NEDD4L: variants seen among roughly 807,000 people sequenced by gnomAD.
The protein encoded by NEDD4L is NEDD4 like E3 ubiquitin protein ligase.
In NEDD4L, 54 loss-of-function variants were observed where a neutral mutation model predicts 148.9. The observed-to-expected ratio is 0.36, with a 90% CI of 0.29 to 0.45. NEDD4L has a LOEUF of 0.45. Ranked by LOEUF, NEDD4L falls within the 20% of genes least tolerant of loss-of-function variation. The pLI, the probability that NEDD4L is intolerant of heterozygous loss-of-function variation, is 1.00. For synonymous variants in NEDD4L, 433 were observed against 440.7 expected (o/e 0.98, Z 0.22); for missense variants, 856 against 1,233.8 (o/e 0.69, Z 4.59).
chr18:58,365,848 C>G (rs1287355964), intron 20 of NEDD4L, 151 bp from the exon 21 acceptor site: 2 of 595,896 alleles, frequency 3.4e-6, no homozygotes, highest in Non-Finnish European at 5.9e-6. Flanking sequence ...CAAGGGAAAA[C>G]CCCTAAAGGA....
At chr18:58,352,938 C>T (rs2044102177) in intron 18 of NEDD4L, among the ~76,000 whole-genome samples, 1 of 152,172 alleles carries the variant, frequency 6.6e-6, no homozygotes, top group African/African-American at 2.4e-5. Flanking sequence ...TCGTAGCATG[C>T]GTTAAAATAG....
chr18:58,297,109 TAAAC>T (rs1375500322), intron 5 of NEDD4L, among the ~76,000 whole-genome samples: 2 of 151,954 alleles, frequency 1.3e-5, no homozygotes, highest in Non-Finnish European at 2.9e-5. Flanking sequence ...TAAATAAAAA[TAAAC>T]AAGGACACTT....
intron 4 of NEDD4L, among the ~76,000 whole-genome samples, chr18:58,251,383 C>T (rs1408913676): frequency 6.6e-6 from 1 of 152,020 alleles, no homozygotes; most frequent in African/African-American, 2.4e-5. Context: ...AAAAATTAGC[C>T]AGGCATGGTA....
chr18:58,144,376 C>A (rs1315390804), intron 1 of NEDD4L, among the ~76,000 whole-genome samples: 1 of 151,970 alleles, frequency 6.6e-6, no homozygotes, highest in Non-Finnish European at 1.5e-5. Flanking sequence ...TTGGGTCACA[C>A]ACTTTTAAAC....
In NEDD4L at chr18:58,245,562, T is replaced by C. The variant is rs2148412882; in HGVS notation, c.204+54T>C. 3.2e-6 allele frequency: 3 copies of C among 943,278 alleles called. No individual in the cohort carries two copies. The East Asian group carries it at 7.8e-5, about 25-fold the overall frequency. 58.4% of individuals were successfully genotyped at this position (943,278 alleles called of 1,614,324 possible). Reference sequence around the variant, plus strand: ...TTTAAGTCATAATTTAATCCAATTATGCACAGTCATGTGCTGCTTAACACC... The same window carrying C: ...TTTAAGTCATAATTTAATCCAATTACGCACAGTCATGTGCTGCTTAACACC... On this transcript the variant is annotated intron_variant, in intron 3 of 30. Transcript: ENST00000400345.
At chr18:58,241,853 A>G (rs1053607900) in intron 2 of NEDD4L, among the ~76,000 whole-genome samples, 1 of 152,094 alleles carries the variant, frequency 6.6e-6, no homozygotes, top group Non-Finnish European at 1.5e-5. Flanking sequence ...TGTGATGTCT[A>G]AGCAGCTTCA....
intron 5 of NEDD4L, among the ~76,000 whole-genome samples, chr18:58,265,755 G>T (rs1204312847): frequency 6.6e-6 from 1 of 152,018 alleles, no homozygotes; most frequent in African/African-American, 2.4e-5. Flanking sequence ...TAGAGATGGG[G>T]GTCTTACTAT....
chr18:58,316,075 G>A (rs1025792318), intron 6 of NEDD4L, 43 bp downstream of exon 6: 19 of 1,514,726 alleles, frequency 1.3e-5, no homozygotes, highest in Non-Finnish European at 1.7e-5. Context: ...TGGGGGCGGG[G>A]GTTTCTAATT....
chr18:58,392,882 C>T (rs1416594455), intron 30 of NEDD4L, among the ~76,000 whole-genome samples: 1 of 152,186 alleles, frequency 6.6e-6, no homozygotes, highest in African/African-American at 2.4e-5. Context: ...TTATTGGGCA[C>T]AGTCATCATC....
intron 1 of NEDD4L, among the ~76,000 whole-genome samples, chr18:58,074,291 C>T (rs573656005): frequency 3.1e-4 from 46 of 150,616 alleles, no homozygotes; most frequent in Middle Eastern, 3.4e-3. Context: ...GACAGAGTCT[C>T]ACTCTGTCCC....
chr18:58,294,207 A>T (rs974568154), intron 5 of NEDD4L, among the ~76,000 whole-genome samples: 3 of 152,186 alleles, frequency 2.0e-5, no homozygotes, highest in African/African-American at 7.2e-5. Context: ...AAACCCAAGG[A>T]TTCCCCTTTT....
chr18:58,353,426 T>C (rs1485749064), intron 18 of NEDD4L, among the ~76,000 whole-genome samples: 2 of 152,222 alleles, frequency 1.3e-5, no homozygotes, highest in Non-Finnish European at 2.9e-5. Context: ...AAGATTCTGT[T>C]AAAGAGATAT....
chr18:58,213,600 G>A (rs2042829279), intron 2 of NEDD4L, among the ~76,000 whole-genome samples: 1 of 152,206 alleles, frequency 6.6e-6, no homozygotes, highest in African/African-American at 2.4e-5. Flanking sequence ...GTGGAATGGT[G>A]GGAGAGTGGG....
chr18:58,307,409 T>C (rs149447215), intron 5 of NEDD4L, among the ~76,000 whole-genome samples: 25 of 152,306 alleles, frequency 1.6e-4, no homozygotes, highest in African/African-American at 5.8e-4. Context: ...TTCGTAGTCA[T>C]GTGACAAGGA....
chr18:58,081,440 C>T (rs1440801822), intron 1 of NEDD4L, among the ~76,000 whole-genome samples: 1 of 152,040 alleles, frequency 6.6e-6, no homozygotes, highest in African/African-American at 2.4e-5. Flanking sequence ...AGGTCTCGAT[C>T]TCCTGACCTC....
At chr18:58,305,810 T>G (rs1035014720) in intron 5 of NEDD4L, among the ~76,000 whole-genome samples, 4 of 152,200 alleles carry the variant, frequency 2.6e-5, no homozygotes, top group Non-Finnish European at 1.5e-5. Flanking sequence ...AAAGAAGGAA[T>G]TTTTCTTTTC....
chr18:58,343,141 T>C, intron 16 of NEDD4L, 38 bp downstream of exon 16: 1 of 1,522,644 alleles, frequency 6.6e-7, no homozygotes, highest in Non-Finnish European at 8.9e-7. Context: ...ATTTTCATCA[T>C]GAAGTCTGGC....
Position 58,324,987 on chromosome 18 carries a change from A to G in NEDD4L, c.514-9A>G. The G allele has an allele frequency of 1.2e-6, 2 of 1,611,408 alleles. No homozygotes were observed. The highest frequency in any genetic ancestry group is 1.7e-6 in the Non-Finnish European group (2 of 1,178,354). On this transcript the variant is annotated splice_polypyrimidine_tract_variant and intron_variant, in intron 8 of 30. Transcript: ENST00000400345. The stretch of plus-strand genomic sequence containing the variant: ...ACCTCATAATCGTCCCTTTAACTTT[A>G]TTCCGCAGCATGGATGGGAAGTTGT...
At chr18:58,284,606 G>A (rs933396644) in intron 5 of NEDD4L, among the ~76,000 whole-genome samples, 1 of 152,030 alleles carries the variant, frequency 6.6e-6, no homozygotes, top group African/African-American at 2.4e-5. Context: ...TTGCATGTGG[G>A]TACACCCAGT....
Sources: allele counts gnomAD v4.1 joint callset (sites outside exome capture counted in the v4.1 genomes callset), GRCh38; gene constraint gnomAD v4.1.1; transcripts MANE v1.5; gene names NCBI Gene and HGNC (gene_info 2026-07-23, HGNC 2026-07-21).